Variants in FBXO42 observed in about 807,000 individuals in gnomAD.
FBXO42 encodes F-box protein 42.
FBXO42 carries 12 observed loss-of-function variants against 71.7 expected under a neutral mutation model. The ratio of observed to expected loss-of-function variants is 0.17; its 90% CI spans 0.11 to 0.27. FBXO42 has a LOEUF of 0.27. Among genes scored for constraint, FBXO42 ranks in the 10% least tolerant of loss-of-function variants. The pLI is 1.00. For synonymous variants in FBXO42, 325 were observed against 327.5 expected, an observed-to-expected ratio of 0.99 and a Z score of 0.08; for missense variants, 707 against 911.9, an observed-to-expected ratio of 0.78 and a Z score of 2.89.
chr1:16,335,306 A>AT (rs1044580837), intron 1 of FBXO42, among the ~76,000 whole-genome samples: 1 of 151,964 alleles, frequency 6.6e-6, no homozygotes, highest in Non-Finnish European at 1.5e-5. Context: ...AGACCAGCTA[A>AT]TTTTTTTATT....
chr1:16,333,421 T>C (rs1256338111), intron 1 of FBXO42, among the ~76,000 whole-genome samples: 1 of 139,928 alleles, frequency 7.1e-6, no homozygotes, highest in African/African-American at 2.7e-5. Flanking sequence ...GAGACCAGCC[T>C]GGGCAAATAG....
intron 2 of FBXO42, among the ~76,000 whole-genome samples, chr1:16,310,836 C>T (rs974207848): frequency 1.3e-5 from 2 of 151,490 alleles, no homozygotes; most frequent in South Asian, 4.2e-4. Context: ...ACCAGCCTGG[C>T]CAACACAGTG....
chr1:16,284,819 T>G (rs997330928), intron 4 of FBXO42, among the ~76,000 whole-genome samples: 2 of 152,044 alleles, frequency 1.3e-5, no homozygotes, highest in Non-Finnish European at 2.9e-5. Context: ...AAATACAAAA[T>G]TAGCTGGGTG....
intron 1 of FBXO42, among the ~76,000 whole-genome samples, chr1:16,320,502 TTTTG>T (rs950624265): frequency 3.3e-5 from 5 of 152,032 alleles, no homozygotes; most frequent in African/African-American, 1.2e-4. Context: ...CATATATATT[TTTTG>T]TTTTATTATT....
chr1:16,329,538 C>T (rs1336229318), intron 1 of FBXO42, among the ~76,000 whole-genome samples: 1 of 150,018 alleles, frequency 6.7e-6, no homozygotes, highest in African/African-American at 2.5e-5. Context: ...GAGCCAAGAT[C>T]GCACCACTGC....
rs563338970 is a variant in FBXO42, at chr1:16,281,121, C to A, written c.502+13662G>T. 1.4e-4 allele frequency among the ~76,000 whole-genome samples: 21 copies of A among 152,212 alleles called. No individual in the cohort carries two copies. In the South Asian group the frequency reaches 4.1e-3, roughly 30 times the overall value. ...GGGATTACAGGCATGCACCATCACA[C>A]CTGGCTAATTTTGTATTTTTAGTAG... is the stretch of plus-strand genomic sequence containing the variant. On this transcript the variant is annotated intron_variant, in intron 4 of 9. Transcript: ENST00000375592.
At chr1:16,337,946 C>CCTACACTTTG (rs2082567884) in intron 1 of FBXO42, among the ~76,000 whole-genome samples, 1 of 140,834 alleles carries the variant, frequency 7.1e-6, no homozygotes, top group Non-Finnish European at 1.5e-5. Context: ...GTGGCTCACG[C>CCTACACTTTG]CTACACTTTG....
At chr1:16,350,929 G>C (rs2082698306) in intron 1 of FBXO42, among the ~76,000 whole-genome samples, 1 of 151,964 alleles carries the variant, frequency 6.6e-6, no homozygotes, top group Non-Finnish European at 1.5e-5. Context: ...CAGTTACTGG[G>C]TATAAAATGA....
At chr1:16,253,189 G>C (rs1260039960) in intron 7 of FBXO42, 37 bp from the exon 8 acceptor site, 1 of 1,587,772 alleles carries the variant, frequency 6.3e-7, no homozygotes, top group South Asian at 1.1e-5. Context: ...AACCTACAAA[G>C]ACACAGGTTT....
chr1:16,276,953 T>A lies in FBXO42; in HGVS notation c.502+17830A>T, dbSNP rs568727567. ...ATGGTTTTAAGAAAGAATAGAAAAG[T>A]CTCATGAGTTTGACCCAATGACTAC... On this transcript the variant is annotated intron_variant, in intron 4 of 9. Coordinates refer to ENST00000375592, the MANE Select transcript of FBXO42 (RefSeq NM_018994.3). Among the ~76,000 whole-genome samples the A allele has an allele frequency of 2.0e-5, 3 of 152,334 alleles. No homozygotes were observed. In the East Asian group the frequency reaches 5.8e-4, roughly 29 times the overall value.
At chr1:16,346,396 G>C (rs909155357) in intron 1 of FBXO42, among the ~76,000 whole-genome samples, 1 of 151,982 alleles carries the variant, frequency 6.6e-6, no homozygotes, top group African/African-American at 2.4e-5. Context: ...TTTATTACTA[G>C]AAAATAAGAG....
At chr1:16,267,233 T>C (rs2081786166) in intron 4 of FBXO42, among the ~76,000 whole-genome samples, 1 of 152,142 alleles carries the variant, frequency 6.6e-6, no homozygotes, top group Admixed American at 6.5e-5. Context: ...ATGTGGCCAA[T>C]AATAATTACA....
At chr1:16,271,805 T>C (rs1262760649) in intron 4 of FBXO42, among the ~76,000 whole-genome samples, 2 of 152,048 alleles carry the variant, frequency 1.3e-5, no homozygotes, top group Non-Finnish European at 2.9e-5. Context: ...TGTTACTTAG[T>C]ACTATACCTG....
At chr1:16,271,764 A>C (rs1256525156) in intron 4 of FBXO42, among the ~76,000 whole-genome samples, 1 of 152,086 alleles carries the variant, frequency 6.6e-6, no homozygotes, top group Non-Finnish European at 1.5e-5. Context: ...TTCTTCTGCT[A>C]GATGGAGAAC....
intron 1 of FBXO42, among the ~76,000 whole-genome samples, chr1:16,343,874 G>A (rs1334217615): frequency 6.6e-6 from 1 of 151,044 alleles, no homozygotes; most frequent in Non-Finnish European, 1.5e-5. Context: ...AGCTACTCGG[G>A]AGGCTGAGGC....
At chr1:16,305,700 T>A in intron 3 of FBXO42, 103 bp downstream of exon 3, 1 of 964,534 alleles carries the variant, frequency 1.0e-6, no homozygotes, top group South Asian at 1.3e-5. Flanking sequence ...GGTGATAGAG[T>A]GAGACCTTGT....
chr1:16,331,020 C>T lies in FBXO42; in HGVS notation c.-17-15585G>A, dbSNP rs141531339. Among the ~76,000 whole-genome samples the T allele has an allele frequency of 6.1e-3, 928 of 151,926 alleles. 8 individuals carry two copies. Among genetic ancestry groups the T allele is most frequent in the African/African-American group, 0.021 (880 of 41,414 alleles). On this transcript the variant is annotated intron_variant, in intron 1 of 9. Coordinates refer to ENST00000375592, the MANE Select transcript of FBXO42 (RefSeq NM_018994.3). ...CCTGTAGTCCCAACTACTGGGGAGGCTGAGGCAGGAGAATCGCTTGAACCA... is the reference window on the plus strand; with the variant it reads ...CCTGTAGTCCCAACTACTGGGGAGGTTGAGGCAGGAGAATCGCTTGAACCA...
chr1:16,274,788 C>T (rs1253889132), intron 4 of FBXO42, among the ~76,000 whole-genome samples: 1 of 151,530 alleles, frequency 6.6e-6, no homozygotes, highest in Non-Finnish European at 1.5e-5. Context: ...GACAGGGTTT[C>T]ATCACGTTGG....
intron 2 of FBXO42, among the ~76,000 whole-genome samples, chr1:16,307,868 G>C (rs2082268468): frequency 6.6e-6 from 1 of 152,120 alleles, no homozygotes; most frequent in Non-Finnish European, 1.5e-5. Flanking sequence ...TTCCCAACTT[G>C]ATCAACAGAT....
Sources: allele counts gnomAD v4.1 joint callset (sites outside exome capture counted in the v4.1 genomes callset), GRCh38; gene constraint gnomAD v4.1.1; transcripts MANE v1.5; gene names NCBI Gene and HGNC (gene_info 2026-07-23, HGNC 2026-07-21).